Variants in NOL9 observed in about 807,000 individuals in gnomAD.
The protein encoded by NOL9 is polynucleotide 5'-hydroxyl-kinase NOL9.
Under a neutral mutation model 67.9 loss-of-function variants are expected in NOL9, and 28 were observed. That is an observed-to-expected ratio of 0.41 (90% CI 0.31 to 0.57). NOL9 has a LOEUF of 0.57. Among genes scored for constraint, NOL9 ranks in the 20% least tolerant of loss-of-function variants. The pLI, the probability that NOL9 is intolerant of heterozygous loss-of-function variation, is 0.25. For missense variants in NOL9, 777 were observed against 897.0 expected, an observed-to-expected ratio of 0.87 and a Z score of 1.71; for synonymous variants, 356 against 352.2, an observed-to-expected ratio of 1.01 and a Z score of -0.12.
intron 3 of NOL9, chr1:6,548,432 C>T: frequency 4.5e-6 from 1 of 222,986 alleles, no homozygotes; most frequent in Non-Finnish European, 9.4e-6. Context: ...CAGGCGTGAG[C>T]CACCACGCCC....
chr1:6,547,495 T>C (rs1040777392), intron 3 of NOL9, among the ~76,000 whole-genome samples: 1 of 149,482 alleles, frequency 6.7e-6, no homozygotes, highest in Non-Finnish European at 1.5e-5. Context: ...GAGACAATTA[T>C]AGTAATAGTA....
At chr1:6,529,347 T>C (rs1024338113) in intron 9 of NOL9, among the ~76,000 whole-genome samples, 176 bp from the exon 10 acceptor site, 1 of 152,072 alleles carries the variant, frequency 6.6e-6, no homozygotes, top group African/African-American at 2.4e-5. Flanking sequence ...TCCCAGCACT[T>C]TGGGAGGCCG....
chr1:6,532,764 T>TG lies in NOL9; in HGVS notation c.1238-5dup. The TG allele has an allele frequency of 6.2e-7, 1 of 1,608,678 alleles. No individual in the cohort carries two copies. Among genetic ancestry groups the TG allele is most frequent in the Non-Finnish European group, 8.5e-7 (1 of 1,176,580 alleles). ...ATGAGAAGCAGGAGCCCCTGGTCTG[T>TG]GGGGAAGAGACATTAGCACAGCTGA... On this transcript the variant is annotated splice_polypyrimidine_tract_variant and splice_region_variant and intron_variant, in intron 7 of 11. Coordinates refer to ENST00000377705, the MANE Select transcript of NOL9 (RefSeq NM_024654.5).
At chr1:6,527,600 TAG>T (rs1335814076) in intron 10 of NOL9, among the ~76,000 whole-genome samples, 1 of 142,378 alleles carries the variant, frequency 7.0e-6, no homozygotes, top group African/African-American at 2.6e-5. Context: ...TGAGCCCAAA[TAG>T]AGAGAGACTT....
At chr1:6,530,368 C>G (rs539435010) in intron 9 of NOL9, among the ~76,000 whole-genome samples, 1 of 152,176 alleles carries the variant, frequency 6.6e-6, no homozygotes, top group African/African-American at 2.4e-5. Flanking sequence ...GCAGGAGAAT[C>G]GCTTGAACCC....
chr1:6,554,036 T>C, intron 1 of NOL9, 71 bp downstream of exon 1: 1 of 1,315,238 alleles, frequency 7.6e-7, no homozygotes, highest in Non-Finnish European at 1.0e-6. Flanking sequence ...TCTCCTACCC[T>C]GCAGCTCTCC....
chr1:6,539,517 G>C (rs4908913), intron 6 of NOL9, among the ~76,000 whole-genome samples: 149,044 of 152,240 alleles, frequency 0.98, 73,053 homozygotes, highest in East Asian at 1. Flanking sequence ...GAATCTCACT[G>C]TTTGTCACCC....
intron 3 of NOL9, among the ~76,000 whole-genome samples, chr1:6,546,756 C>T (rs775613363): frequency 5.3e-5 from 8 of 152,132 alleles, no homozygotes; most frequent in Non-Finnish European, 1.2e-4. Context: ...ATGTTTTTTT[C>T]ATCCATCTTA....
In NOL9 at chr1:6,521,931, T is replaced by G. The variant is rs1009486681; in HGVS notation, c.*3923A>C. On this transcript the variant is annotated 3_prime_UTR_variant, in exon 12 of 12. Transcript: ENST00000377705. Reference sequence around the variant, plus strand: ...CCAATCTTCAAAACATAAAACAGGCTCAGGCTAAGCATCTTCCTCCAAGTT... The same window carrying G: ...CCAATCTTCAAAACATAAAACAGGCGCAGGCTAAGCATCTTCCTCCAAGTT... 6.6e-6 allele frequency: 1 copy of G among 152,178 alleles called. No individual in the cohort carries two copies. Among genetic ancestry groups the G allele is most frequent in the African/African-American group, 2.4e-5 (1 of 41,440 alleles). 9.4% of individuals were successfully genotyped at this position (152,178 alleles called of 1,614,324 possible).
intron 9 of NOL9, 94 bp from the exon 10 acceptor site, chr1:6,529,265 T>C (rs1401432464): frequency 3.4e-5 from 39 of 1,131,752 alleles, no homozygotes; most frequent in Non-Finnish European, 2.6e-6. Flanking sequence ...TAAAGATAGG[T>C]CTGCCAAAGT....
intron 3 of NOL9, 73 bp from the exon 4 acceptor site, chr1:6,545,253 T>C (rs1639394460): frequency 7.0e-7 from 1 of 1,432,426 alleles, no homozygotes; most frequent in Non-Finnish European, 9.6e-7. Context: ...TAATCAAGCC[T>C]CACACAGTTG....
chr1:6,550,851 T>C (rs971044386), intron 1 of NOL9, among the ~76,000 whole-genome samples: 3 of 152,044 alleles, frequency 2.0e-5, no homozygotes, highest in African/African-American at 7.2e-5. Flanking sequence ...GCCCGGCTAA[T>C]TTTGTACTTT....
intron 6 of NOL9, among the ~76,000 whole-genome samples, chr1:6,536,500 C>G (rs1215124557): frequency 6.6e-6 from 1 of 152,200 alleles, no homozygotes; most frequent in Non-Finnish European, 1.5e-5. Flanking sequence ...CCACTGTACT[C>G]CAGCCTCAGT....
intron 6 of NOL9, among the ~76,000 whole-genome samples, chr1:6,534,441 G>A (rs1639102937): frequency 6.6e-6 from 1 of 152,198 alleles, no homozygotes; most frequent in African/African-American, 2.4e-5. Flanking sequence ...AGGACTGTGT[G>A]TGACAGGGTC....
intron 5 of NOL9, among the ~76,000 whole-genome samples, chr1:6,543,326 G>T: frequency 6.6e-6 from 1 of 151,934 alleles, no homozygotes; most frequent in East Asian, 1.9e-4. Context: ...CTCCCGAATA[G>T]CTGGGACTAC....
intron 3 of NOL9, chr1:6,548,662 T>C: frequency 3.9e-6 from 1 of 256,632 alleles, no homozygotes; most frequent in Non-Finnish European, 8.0e-6. Context: ...TTAAGACTCG[T>C]TAAAAATTAG....
At chr1:6,526,567 C>T (rs1638889356) in intron 11 of NOL9, 129 bp downstream of exon 11, 1 of 958,058 alleles carries the variant, frequency 1.0e-6, no homozygotes, top group Non-Finnish European at 1.5e-6. Flanking sequence ...TCTCGGCTCA[C>T]TCAGGATCTA....
chr1:6,551,024 A>C (rs1269860600), intron 1 of NOL9, among the ~76,000 whole-genome samples: 1 of 152,236 alleles, frequency 6.6e-6, no homozygotes, highest in African/African-American at 2.4e-5. Flanking sequence ...ATCAAAAGGC[A>C]GGTAAGGCCA....
chr1:6,536,036 A>G (rs1264073168), intron 6 of NOL9, among the ~76,000 whole-genome samples: 1 of 152,162 alleles, frequency 6.6e-6, no homozygotes, highest in Non-Finnish European at 1.5e-5. Flanking sequence ...TGCCTCTACA[A>G]ATAATTGTTC....
Sources: gnomAD v4.1 joint callset for allele counts (sites outside exome capture counted in the v4.1 genomes callset) on GRCh38, gnomAD v4.1.1 for gene constraint, MANE v1.5 for transcripts, NCBI Gene and HGNC (gene_info 2026-07-23, HGNC 2026-07-21) for gene names.